The following TENT4B variants were observed in gnomAD, a reference collection of about 807,000 sequenced individuals.
TENT4B encodes terminal nucleotidyltransferase 4B.
Under a neutral mutation model 75.0 loss-of-function variants are expected in TENT4B, and 10 were observed. The observed-to-expected ratio is 0.13, with a 90% CI of 0.08 to 0.23. TENT4B has a LOEUF of 0.23. TENT4B is among the 10% of genes least tolerant of loss of function. The pLI is 1.00. For synonymous variants in TENT4B, 350 were observed against 357.7 expected (o/e 0.98, Z 0.24); for missense variants, 579 against 893.8 (o/e 0.65, Z 4.49).
intron 4 of TENT4B, 123 bp from the exon 5 acceptor site, chr16:50,217,428 TTAGAA>T (rs2031616880): frequency 1.8e-6 from 1 of 571,370 alleles, no homozygotes; most frequent in African/African-American, 2.0e-5. Context: ...TGTGCCATAT[TTAGAA>T]TACTCAGTGT....
At chr16:50,187,853 C>A (rs2038562714) in intron 1 of TENT4B, among the ~76,000 whole-genome samples, 1 of 151,898 alleles carries the variant, frequency 6.6e-6, no homozygotes, top group Non-Finnish European at 1.5e-5. Flanking sequence ...AGCAGCAAGA[C>A]CCCATCTCTA....
In TENT4B at chr16:50,233,518, A is replaced by G. The variant is rs2032357440; in HGVS notation, c.*4190A>G. 2.0e-6 allele frequency: 2 copies of G among 985,152 alleles called. No homozygotes were observed. Among genetic ancestry groups the G allele is most frequent in the African/African-American group, 3.5e-5 (2 of 57,270 alleles). 61.0% of individuals were successfully genotyped at this position (985,152 alleles called of 1,614,324 possible). A position where few individuals can be genotyped will look rare whatever the true frequency, so the allele number is the denominator to read the frequency against. On this transcript the variant is annotated 3_prime_UTR_variant, in exon 12 of 12. Transcript: ENST00000561678. ...GCGACTTTTCTTTTTTTTTTGGTCAAAGATAATGAGCTAAATATATATAGA... is the reference window on the plus strand; with the variant it reads ...GCGACTTTTCTTTTTTTTTTGGTCAGAGATAATGAGCTAAATATATATAGA...
chr16:50,179,994 C>T (rs1009207173), intron 1 of TENT4B, among the ~76,000 whole-genome samples: 4 of 152,082 alleles, frequency 2.6e-5, no homozygotes, highest in South Asian at 2.1e-4. Flanking sequence ...CTTCTAAGTG[C>T]GGTTCTCAAT....
chr16:50,158,548 GAA>G (rs1207021736), intron 1 of TENT4B, among the ~76,000 whole-genome samples: 1 of 152,192 alleles, frequency 6.6e-6, no homozygotes, highest in Non-Finnish European at 1.5e-5. Context: ...TCACTATGGA[GAA>G]AGAGGGGATG....
Position 50,231,062 on chromosome 16 carries a change from A to G in TENT4B, c.*1734A>G. 1.0e-6 allele frequency: 1 copy of G among 983,008 alleles called. No individual in the cohort carries two copies. Among genetic ancestry groups the G allele is most frequent in the Non-Finnish European group, 1.2e-6 (1 of 827,260 alleles). 60.9% of individuals were successfully genotyped at this position (983,008 alleles called of 1,614,324 possible). Reference sequence around the variant, plus strand: ...TAATGCTAAAGTAAGACCAAAACTGATGTCATCACTGAAATTAACAATTTT... The same window carrying G: ...TAATGCTAAAGTAAGACCAAAACTGGTGTCATCACTGAAATTAACAATTTT... On this transcript the variant is annotated 3_prime_UTR_variant, in exon 12 of 12. Coordinates refer to ENST00000561678, the MANE Select transcript of TENT4B (RefSeq NM_001365324.3).
upstream of TENT4B, chr16:50,153,109 G>A (rs1338995632): frequency 5.1e-5 from 63 of 1,227,388 alleles, no homozygotes; most frequent in African/African-American, 2.2e-4. Context: ...CGCGGCCTCT[G>A]TGACGCACGG....
At chr16:50,200,313 C>A (rs1277597992) in intron 1 of TENT4B, among the ~76,000 whole-genome samples, 1 of 150,634 alleles carries the variant, frequency 6.6e-6, no homozygotes, top group Non-Finnish European at 1.5e-5. Flanking sequence ...TGGCAGTAAA[C>A]TGTGATCATA....
At chr16:50,218,072 T>G (rs1025218397) in intron 5 of TENT4B, among the ~76,000 whole-genome samples, 3 of 152,040 alleles carry the variant, frequency 2.0e-5, no homozygotes, top group Non-Finnish European at 4.4e-5. Flanking sequence ...CTTACTTTTG[T>G]ATGCAACGGT....
chr16:50,206,513 T>C (rs1685903294), intron 1 of TENT4B, among the ~76,000 whole-genome samples: 2 of 152,132 alleles, frequency 1.3e-5, no homozygotes, highest in Admixed American at 1.3e-4. Flanking sequence ...ACTTCAGTTA[T>C]GGAACTGGGA....
intron 1 of TENT4B, 136 bp downstream of exon 1, chr16:50,154,395 C>T: frequency 2.3e-5 from 29 of 1,285,804 alleles, no homozygotes; most frequent in Non-Finnish European, 2.9e-5. Context: ...CACGGGGGTG[C>T]TGCTGGCCAT....
chr16:50,187,569 C>G (rs112092578), intron 1 of TENT4B, among the ~76,000 whole-genome samples: 1 of 152,082 alleles, frequency 6.6e-6, no homozygotes, highest in African/African-American at 2.4e-5. Flanking sequence ...GGCGACAGAG[C>G]GAGACTCCAT....
At chr16:50,201,273 A>C (rs11641530) in intron 1 of TENT4B, among the ~76,000 whole-genome samples, 1 of 152,004 alleles carries the variant, frequency 6.6e-6, no homozygotes, top group Non-Finnish European at 1.5e-5. Context: ...GCGGTGGCTC[A>C]CGCCTGTAAT....
intron 1 of TENT4B, among the ~76,000 whole-genome samples, chr16:50,198,652 G>A (rs1004315236): frequency 6.6e-6 from 1 of 151,998 alleles, no homozygotes; most frequent in East Asian, 1.9e-4. Context: ...TGTGGGGAGG[G>A]TGGGAGAGTC....
chr16:50,217,382 G>A (rs1353845096), intron 4 of TENT4B, among the ~76,000 whole-genome samples, 174 bp from the exon 5 acceptor site: 7 of 152,120 alleles, frequency 4.6e-5, no homozygotes, highest in Admixed American at 1.3e-4. Context: ...TAAATATGCA[G>A]CATATAGTAT....
In TENT4B at chr16:50,224,749, A is replaced by G. The variant is rs764674720; in HGVS notation, c.1474A>G (p.Ile492Val). Residue 492 changes from isoleucine to valine, a missense_variant, in exon 8 of 12, where the codon ATA becomes GTA. By Grantham distance (29) the Ile-to-Val change is conservative (BLOSUM62 3). Around this residue, in one of 7 missense-constraint regions of TENT4B, gnomAD observed 71 missense variants for 210.6 expected, o/e 0.34. Transcript: ENST00000561678. ...YVVLSHAVSP[I>V]AKYYPNNETE... The stretch of plus-strand genomic sequence containing the variant: ...TGTTTTGAGTCATGCTGTATCACCA[A>G]TAGCAAAGTACTATCCCAACAATGA... 6 of 1,614,060 alleles carry G rather than the reference A, an allele frequency of 3.7e-6. No homozygotes were observed. Among genetic ancestry groups the G allele is most frequent in the South Asian group, 1.1e-5 (1 of 91,088 alleles).
Position 50,225,103 on chromosome 16 carries a change from G to C in TENT4B, c.1618G>C (p.Gly540Arg). The C allele has an allele frequency of 6.2e-7, 1 of 1,610,986 alleles. No individual in the cohort carries two copies. The highest frequency in any genetic ancestry group is 1.1e-5 in the South Asian group (1 of 90,888). ...ATCTTTTGCCACTCTTTCAGGAAAT[G>C]GTGTTACCTTGATAGTAGATACTCA... ...NRPEPSCNGN[G>R]VTLIVDTQQL... Residue 540 changes from glycine to arginine, a missense_variant, in exon 10 of 12, where the codon GGT becomes CGT. Coordinates refer to ENST00000561678, the MANE Select transcript of TENT4B (RefSeq NM_001365324.3).
At chr16:50,161,970 C>T (rs1253666721) in intron 1 of TENT4B, among the ~76,000 whole-genome samples, 4 of 152,070 alleles carry the variant, frequency 2.6e-5, no homozygotes, top group South Asian at 2.1e-4. Context: ...ACTTTATAGC[C>T]GCACGCACCC....
intron 3 of TENT4B, 120 bp downstream of exon 3, chr16:50,214,387 G>A: frequency 1.4e-6 from 1 of 732,434 alleles, no homozygotes; most frequent in East Asian, 2.9e-5. Context: ...TGGGCATGGT[G>A]GCTCATGCCT....
chr16:50,230,099 A>G lies in TENT4B; in HGVS notation c.*771A>G, dbSNP rs2032232705. ...TCTAAAGAAAAGGTTTATGGTGGCA[A>G]ATGATGTTTATTTTATTTTGTAAAA... On this transcript the variant is annotated 3_prime_UTR_variant, in exon 12 of 12. Transcript: ENST00000561678. The G allele has an allele frequency of 1.0e-6, 1 of 984,418 alleles. No individual in the cohort carries two copies. Among genetic ancestry groups the G allele is most frequent in the Admixed American group, 6.2e-5 (1 of 16,240 alleles). The allele number at this position is 984,418 out of a possible 1,614,324, so 61.0% of individuals were successfully genotyped here.
Sources: allele counts gnomAD v4.1 joint callset (sites outside exome capture counted in the v4.1 genomes callset), GRCh38; gene constraint gnomAD v4.1.1; regional missense constraint gnomAD v4.1.1; transcripts MANE v1.5; gene names NCBI Gene and HGNC (gene_info 2026-07-23, HGNC 2026-07-21).